CAPN11: variants seen among roughly 807,000 people sequenced by gnomAD.
CAPN11 encodes calpain-11.
Under a neutral mutation model 105.3 loss-of-function variants are expected in CAPN11, and 108 were observed. The ratio of observed to expected loss-of-function variants is 1.03; its 90% confidence interval spans 0.88 to 1.20. The LOEUF (loss-of-function observed/expected upper bound fraction) is 1.20, where lower values mean the gene tolerates loss of function less well. CAPN11 is among the 50% of genes most tolerant of loss of function. CAPN11 has a pLI of 0.00. For missense variants in CAPN11, 883 were observed against 924.8 expected (o/e 0.95, Z 0.59); for synonymous variants, 329 against 344.5 (o/e 0.96, Z 0.50).
At position 44,183,724 on chromosome 6, in the gene CAPN11, C is replaced by T; in HGVS notation, c.2154C>T (p.Asp718=). Residue 718 remains aspartate, a synonymous_variant, in exon 22 of 23, where the codon GAC becomes GAT. Transcript: ENST00000398776. The part of the protein sequence containing the change: ...KTMFTFFLTM[D]PKNTGHICLS... ...ACGCAGCATTCTTTCTAACCATGGA[C>T]CCCAAGAATACTGGCCATATTTGCT... The T allele has an allele frequency of 1.2e-6, 2 of 1,613,854 alleles. No homozygotes were observed. The highest frequency in any genetic ancestry group is 1.7e-6 in the Non-Finnish European group (2 of 1,179,832).
chr6:44,160,006 C>T (rs1046950381), intron 1 of CAPN11, among the ~76,000 whole-genome samples: 13 of 152,092 alleles, frequency 8.5e-5, no homozygotes, highest in Non-Finnish European at 1.5e-4. Flanking sequence ...TGGTGGCGGG[C>T]GCCTGTAATC....
At chr6:44,175,416 G>T (rs971738404) in intron 7 of CAPN11, among the ~76,000 whole-genome samples, 1 of 151,894 alleles carries the variant, frequency 6.6e-6, no homozygotes, top group Non-Finnish European at 1.5e-5. Context: ...GGAGGTTGAG[G>T]CTGCAGTGAA....
At chr6:44,183,801 C>A in intron 22 of CAPN11, 38 bp downstream of exon 22, 1 of 1,601,836 alleles carries the variant, frequency 6.2e-7, no homozygotes. Context: ...TGCAGGATTG[C>A]ACCTGCCTGC....
chr6:44,167,011 G>A (rs1210005935), intron 2 of CAPN11, among the ~76,000 whole-genome samples, 182 bp downstream of exon 2: 2 of 152,112 alleles, frequency 1.3e-5, no homozygotes, highest in Non-Finnish European at 1.5e-5. Context: ...CCCTGGGGGC[G>A]GAGGTGTGGG....
Position 44,173,026 on chromosome 6 carries a change from C to T in CAPN11, c.615C>T (p.Thr205=), listed in dbSNP as rs775445812. 1.7e-5 allele frequency: 27 copies of T among 1,613,160 alleles called. No individual in the cohort carries two copies. Among genetic ancestry groups the T allele is most frequent in the South Asian group, 1.1e-4 (10 of 90,920 alleles). Residue 205 remains threonine, a synonymous_variant, in exon 6 of 23, where the codon ACC becomes ACT. Transcript: ENST00000398776. ...KNDKLVFVHS[T]ERSEFWSALL... is the part of the protein sequence containing the mutation. ...ACAAGCTGGTGTTTGTGCACTCAACCGAACGCAGTGAGTTCTGGAGTGCCC... is the reference window on the plus strand; with the variant it reads ...ACAAGCTGGTGTTTGTGCACTCAACTGAACGCAGTGAGTTCTGGAGTGCCC...
At chr6:44,179,741 G>A (rs1367434202) in intron 13 of CAPN11, 111 bp downstream of exon 13, 1 of 1,200,708 alleles carries the variant, frequency 8.3e-7, no homozygotes, top group African/African-American at 1.5e-5. Flanking sequence ...GGGGGTCACT[G>A]GGTTAGGATT....
chr6:44,179,470 C>A, intron 12 of CAPN11, 149 bp from the exon 13 acceptor site: 1 of 728,222 alleles, frequency 1.4e-6, no homozygotes, highest in Non-Finnish European at 2.5e-6. Flanking sequence ...GCCCGTGCCC[C>A]ACTCCACCAC....
At chr6:44,168,603 A>G (rs1016122477) in intron 2 of CAPN11, among the ~76,000 whole-genome samples, 1 of 151,104 alleles carries the variant, frequency 6.6e-6, no homozygotes, top group South Asian at 2.1e-4. Context: ...TCTTTCATTT[A>G]AAAAAAATAT....
chr6:44,182,655 C>T (rs962047943), intron 19 of CAPN11, among the ~76,000 whole-genome samples: 3 of 152,058 alleles, frequency 2.0e-5, no homozygotes, highest in Non-Finnish European at 2.9e-5. Context: ...TGCAGTGGTG[C>T]GATCTCTGCT....
chr6:44,176,574 G>T lies in CAPN11; in HGVS notation c.1002-7G>T. ...CCCTCTCCTTCCACCGCCCATCTCT[G>T]CTCCAGTGCCAGGGAGTGGGAAGAG... On this transcript the variant is annotated splice_polypyrimidine_tract_variant and splice_region_variant and intron_variant, in intron 9 of 22. Coordinates refer to ENST00000398776, the MANE Select transcript of CAPN11 (RefSeq NM_007058.4). The T allele has an allele frequency of 6.2e-7, 1 of 1,612,152 alleles. No individual in the cohort carries two copies. Among genetic ancestry groups the T allele is most frequent in the Non-Finnish European group, 8.5e-7 (1 of 1,178,586 alleles).
At position 44,176,870 on chromosome 6, in the gene CAPN11, C is replaced by CGCTCCTGGAGATCTGCA. The variant is rs1453138986; in HGVS notation, c.1110_1126dup (p.Asn376SerfsTer79). 3 of 1,613,830 alleles carry CGCTCCTGGAGATCTGCA rather than the reference C, an allele frequency of 1.9e-6. No homozygotes were observed. In the African/African-American group the frequency reaches 4.0e-5, roughly 22 times the overall value. Reference sequence around the variant, plus strand: ...TACCAAGATTTCCTGAACAACTTCACGCTCCTGGAGATCTGCAACCTCACG... The same window carrying CGCTCCTGGAGATCTGCA: ...TACCAAGATTTCCTGAACAACTTCACGCTCCTGGAGATCTGCAGCTCCTGGAGATCTGCAACCTCACG... On this transcript the variant is annotated frameshift_variant, in exon 11 of 23. Transcript: ENST00000398776. LOFTEE classifies it high-confidence loss of function.
intron 18 of CAPN11, 31 bp from the exon 19 acceptor site, chr6:44,181,221 T>G: frequency 1.2e-6 from 2 of 1,608,100 alleles, no homozygotes; most frequent in African/African-American, 2.7e-5. Context: ...CCTTCTTCAC[T>G]CCTTCTCTGC....
rs767643842 is a variant in CAPN11, at chr6:44,172,389, A to T, written c.497A>T (p.Lys166Met). 8 of 1,559,334 alleles carry T rather than the reference A, an allele frequency of 5.1e-6. No homozygotes were observed. Among genetic ancestry groups the T allele is most frequent in the South Asian group, 1.2e-5 (1 of 84,364 alleles). The change falls in exon 5 of 23, where the codon AAG becomes ATG. Residue 166 changes from lysine to methionine, a missense_variant. Lys to Met is a moderately conservative substitution (Grantham distance 95). Coordinates refer to ENST00000398776, the MANE Select transcript of CAPN11 (RefSeq NM_007058.4). Reference sequence around the variant, plus strand: ...GTGGTGCCCAGAGGACAGAGCTTCAAGAAAAACTATGCTGGCATCTTCCAT... The same window carrying T: ...GTGGTGCCCAGAGGACAGAGCTTCATGAAAAACTATGCTGGCATCTTCCAT... ...YRVVPRGQSF[K>M]KNYAGIFHFQ... is the part of the protein sequence containing the mutation.
At chr6:44,183,865 C>G in intron 22 of CAPN11, 41 bp from the exon 23 acceptor site, 1 of 1,566,432 alleles carries the variant, frequency 6.4e-7, no homozygotes, top group Admixed American at 1.9e-5. Flanking sequence ...CATCCTGCCC[C>G]CGTCTCTTCC....
intron 4 of CAPN11, among the ~76,000 whole-genome samples, chr6:44,170,445 T>C (rs1176981173): frequency 1.3e-5 from 2 of 152,140 alleles, no homozygotes; most frequent in African/African-American, 4.8e-5. Context: ...GCAGGAGCTC[T>C]CAGGTCTTTG....
At chr6:44,181,671 CAT>C (rs371088598) in intron 19 of CAPN11, among the ~76,000 whole-genome samples, 3 of 32,002 alleles carry the variant, frequency 9.4e-5, no homozygotes, top group South Asian at 6.5e-4. Context: ...CTCACACACA[CAT>C]ACTCACATAC....
Position 44,183,099 on chromosome 6 carries a change from C to T in CAPN11, c.2018-20C>T. 6.2e-7 allele frequency: 1 copy of T among 1,603,282 alleles called. No homozygotes were observed. The highest frequency in any genetic ancestry group is 8.5e-7 in the Non-Finnish European group (1 of 1,170,666). ...GAGGCCCAGACTTTTCCCCTCCCCA[C>T]TTCTCTCTCCCTCTCTCAGGCATCA... On this transcript the variant is annotated intron_variant, in intron 20 of 22. Coordinates refer to ENST00000398776, the MANE Select transcript of CAPN11 (RefSeq NM_007058.4).
chr6:44,165,151 A>C (rs1445249874), intron 1 of CAPN11, among the ~76,000 whole-genome samples: 3 of 152,188 alleles, frequency 2.0e-5, no homozygotes, highest in Admixed American at 6.5e-5. Flanking sequence ...AGCCTCCAAA[A>C]GTGCTGAGAT....
At chr6:44,179,583 C>G (rs778555986) in intron 12 of CAPN11, 36 bp from the exon 13 acceptor site, 1 of 1,607,176 alleles carries the variant, frequency 6.2e-7, no homozygotes, top group South Asian at 1.1e-5. Context: ...CTTCACCACC[C>G]TAGAGATCTG....
Sources: gnomAD v4.1 joint callset for allele counts (sites outside exome capture counted in the v4.1 genomes callset) on GRCh38, gnomAD v4.1.1 for gene constraint, MANE v1.5 for transcripts, NCBI Gene and HGNC (gene_info 2026-07-23, HGNC 2026-07-21) for gene names.